The following THBS4 variants were observed in gnomAD, a reference collection of about 807,000 sequenced individuals.
THBS4 encodes thrombospondin-4.
Under a neutral mutation model 115.7 loss-of-function variants are expected in THBS4, and 90 were observed. The observed-to-expected ratio is 0.78, with a 90% CI of 0.66 to 0.93. The LOEUF is 0.93. THBS4 is among the 40% of genes least tolerant of loss of function. The pLI is 0.00. For synonymous variants in THBS4, 460 were observed against 479.3 expected, an observed-to-expected ratio of 0.96 and a Z score of 0.53; for missense variants, 1,087 against 1,232.7, an observed-to-expected ratio of 0.88 and a Z score of 1.77.
chr5:80,065,293 T>C (rs751175827), intron 8 of THBS4, 116 bp from the exon 9 acceptor site: 22 of 837,528 alleles, frequency 2.6e-5, no homozygotes, highest in Non-Finnish European at 3.7e-5. Flanking sequence ...ATTACCATTC[T>C]ACCCGAAATT....
chr5:79,995,801 T>A (rs939428863), intron 1 of THBS4, among the ~76,000 whole-genome samples: 1 of 141,954 alleles, frequency 7.0e-6, no homozygotes, highest in Non-Finnish European at 1.6e-5. Flanking sequence ...AGAAAAAAAA[T>A]AAAAGTGCCT....
At chr5:80,026,477 C>G (rs953582164) in intron 2 of THBS4, among the ~76,000 whole-genome samples, 1 of 152,166 alleles carries the variant, frequency 6.6e-6, no homozygotes, top group African/African-American at 2.4e-5. Flanking sequence ...TGATCTAGAA[C>G]AGGGGTCAGT....
chr5:80,075,857 G>A (rs1743179820), intron 15 of THBS4, among the ~76,000 whole-genome samples: 1 of 152,230 alleles, frequency 6.6e-6, no homozygotes, highest in Admixed American at 6.5e-5. Flanking sequence ...TGCTTGTCAA[G>A]GCTGACTTCA....
intron 2 of THBS4, among the ~76,000 whole-genome samples, chr5:80,019,035 G>A (rs1156485407): frequency 1.4e-5 from 2 of 141,320 alleles, no homozygotes; most frequent in African/African-American, 5.5e-5. Flanking sequence ...AGTTCTCTCT[G>A]TGATTGTTTT....
At position 80,054,373 on chromosome 5, in the gene THBS4, T is replaced by A. The variant is rs183221047; in HGVS notation, c.293-1412T>A. Among the ~76,000 whole-genome samples, 706 of 147,522 alleles carry A rather than the reference T, an allele frequency of 4.8e-3. 4 individuals are homozygous for A. The highest frequency in any genetic ancestry group is 0.015 in the African/African-American group (617 of 39,938). ...TCTTGCTCTGTCACCCAGGCTGGAGTGCAGTGGTGTGATCTTGGCTCACTG... is the reference window on the plus strand; with the variant it reads ...TCTTGCTCTGTCACCCAGGCTGGAGAGCAGTGGTGTGATCTTGGCTCACTG... On this transcript the variant is annotated intron_variant, in intron 2 of 21. Transcript: ENST00000350881.
At chr5:79,992,804 G>A (rs536092001) in intron 1 of THBS4, among the ~76,000 whole-genome samples, 4 of 152,202 alleles carry the variant, frequency 2.6e-5, no homozygotes, top group Non-Finnish European at 5.9e-5. Flanking sequence ...GAAACACAAA[G>A]GAGGGACAGT....
intron 16 of THBS4, 50 bp from the exon 17 acceptor site, chr5:80,077,999 C>T (rs199620260): frequency 1.9e-5 from 28 of 1,439,956 alleles, no homozygotes; most frequent in East Asian, 5.0e-5. Flanking sequence ...CAAGGAGTGG[C>T]GGTGGGTGTG....
intron 7 of THBS4, among the ~76,000 whole-genome samples, chr5:80,061,492 C>T (rs939114048): frequency 6.6e-6 from 1 of 152,172 alleles, no homozygotes; most frequent in African/African-American, 2.4e-5. Flanking sequence ...TTCTACAGCA[C>T]AGCAAAGCCT....
Position 80,012,531 on chromosome 5 carries a change from C to T in THBS4, n.177+14104C>T, listed in dbSNP as rs987084647. 1.2e-3 allele frequency among the ~76,000 whole-genome samples: 190 copies of T among 152,136 alleles called. 3 individuals carry two copies. The highest frequency in any genetic ancestry group is 0.012 in the Admixed American group (182 of 15,276). On this transcript the variant is annotated intron_variant and non_coding_transcript_variant, in intron 2 of 3. Transcript: ENST00000510218. ...GACTTCTCAAATGGCTGATGAGCTC[C>T]TAGAGGTGTCCTTGGTCTCTTCCCC... is the stretch of plus-strand genomic sequence containing the variant.
chr5:80,072,177 C>G lies in THBS4; in HGVS notation c.1721-101C>G, dbSNP rs1199140117. ...AGAAAAGGGTAGTCTCTGTGTGACA[C>G]TGGCCCAGGCAGAAGTGACTCACCA... On this transcript the variant is annotated intron_variant, in intron 13 of 21. Transcript: ENST00000350881. 8.8e-6 allele frequency: 9 copies of G among 1,026,978 alleles called. No homozygotes were observed. The Admixed American group carries it at 1.4e-4, about 16-fold the overall frequency. The allele number at this position is 1,026,978 out of a possible 1,614,324, so 63.6% of individuals were successfully genotyped here. A position where few individuals can be genotyped will look rare whatever the true frequency, so the allele number is the denominator to read the frequency against.
chr5:80,054,718 G>T (rs1833367307), intron 2 of THBS4, among the ~76,000 whole-genome samples: 1 of 152,028 alleles, frequency 6.6e-6, no homozygotes, highest in Admixed American at 6.5e-5. Flanking sequence ...TCCCACCTCG[G>T]CCTCCCAAAG....
intron 16 of THBS4, among the ~76,000 whole-genome samples, chr5:80,077,254 G>A (rs1456844948): frequency 1.3e-5 from 2 of 152,212 alleles, no homozygotes; most frequent in African/African-American, 4.8e-5. Flanking sequence ...TCAGGACTGA[G>A]CTGCTTTGCA....
chr5:80,079,283 T>C, intron 19 of THBS4, 25 bp downstream of exon 19: 1 of 1,569,406 alleles, frequency 6.4e-7, no homozygotes, highest in East Asian at 2.3e-5. Context: ...AAGTCATTCA[T>C]CTCCCTTTCT....
intron 2 of THBS4, among the ~76,000 whole-genome samples, chr5:80,051,518 CGTTTT>C (rs1469919152): frequency 6.6e-6 from 1 of 152,092 alleles, no homozygotes; most frequent in Non-Finnish European, 1.5e-5. Flanking sequence ...TCCTTCCCTG[CGTTTT>C]CTTTTGCTAT....
At chr5:80,056,969 A>T (rs1403853399) in intron 3 of THBS4, among the ~76,000 whole-genome samples, 1 of 152,196 alleles carries the variant, frequency 6.6e-6, no homozygotes, top group Non-Finnish European at 1.5e-5. Flanking sequence ...AAAAACTATG[A>T]ATCTGATCCT....
chr5:80,032,363 C>G (rs1832602302), upstream of THBS4, among the ~76,000 whole-genome samples: 1 of 152,116 alleles, frequency 6.6e-6, no homozygotes, highest in Non-Finnish European at 1.5e-5. Context: ...ACTTAGTAGT[C>G]AACCAAAATT....
At chr5:80,041,200 C>A (rs745992072) in intron 2 of THBS4, among the ~76,000 whole-genome samples, 1 of 152,168 alleles carries the variant, frequency 6.6e-6, no homozygotes, top group Non-Finnish European at 1.5e-5. Flanking sequence ...TTGTAGATGG[C>A]CATCTTTTTA....
At chr5:80,082,647 A>G in intron 21 of THBS4, 102 bp downstream of exon 21, 33 of 1,423,904 alleles carry the variant, frequency 2.3e-5, no homozygotes, top group Non-Finnish European at 3.2e-5. Context: ...CCCAACGCTC[A>G]TACCACATAG....
chr5:80,073,899 T>G (rs763442639), intron 15 of THBS4, among the ~76,000 whole-genome samples: 2 of 152,228 alleles, frequency 1.3e-5, no homozygotes, highest in East Asian at 1.9e-4. Flanking sequence ...TATAGCATCA[T>G]GCTTCACAGA....
Sources: gnomAD v4.1 joint callset for allele counts (sites outside exome capture counted in the v4.1 genomes callset) on GRCh38, gnomAD v4.1.1 for gene constraint, MANE v1.5 for transcripts, NCBI Gene and HGNC (gene_info 2026-07-23, HGNC 2026-07-21) for gene names.